The following NEK3 variants were observed in gnomAD, a reference collection of about 807,000 sequenced individuals.
The protein encoded by NEK3 is serine/threonine-protein kinase Nek3.
Under a neutral mutation model 66.0 loss-of-function variants are expected in NEK3, and 54 were observed. The ratio of observed to expected loss-of-function variants is 0.82; its 90% confidence interval spans 0.66 to 1.03. The LOEUF is 1.03. NEK3 is among the 50% of genes least tolerant of loss of function. NEK3 has a pLI of 0.00. For missense variants in NEK3, 593 were observed against 603.0 expected, an observed-to-expected ratio of 0.98 and a Z score of 0.17; for synonymous variants, 200 against 206.2, an observed-to-expected ratio of 0.97 and a Z score of 0.26.
chr13:52,144,276 C>T (rs1387972386), intron 9 of NEK3, among the ~76,000 whole-genome samples: 5 of 152,054 alleles, frequency 3.3e-5, no homozygotes, highest in South Asian at 4.1e-4. Context: ...AGTAGCTGGA[C>T]GTGGTGGCGT....
At position 52,133,789 on chromosome 13, in the gene NEK3, G is replaced by A; in HGVS notation, c.1336C>T (p.Leu446=). Reference sequence around the variant, plus strand: ...TCCGATGCTTCTGTTTCTTCAGACAGGGGGCCTTTCAAGAACCCTTCTGAA... The same window carrying A: ...TCCGATGCTTCTGTTTCTTCAGACAAGGGGCCTTTCAAGAACCCTTCTGAA... The part of the protein sequence containing the change: ...PGSEGFLKGP[L]SEETEASDSV... The change falls in exon 15 of 16, where the codon CTG becomes TTG. Residue 446 remains leucine (L), a synonymous_variant. Coordinates refer to ENST00000610828, the MANE Select transcript of NEK3 (RefSeq NM_002498.3). 1 of 1,598,656 alleles carries A rather than the reference G, an allele frequency of 6.3e-7. No individual in the cohort carries two copies. Among genetic ancestry groups the A allele is most frequent in the Non-Finnish European group, 8.5e-7 (1 of 1,171,926 alleles).
At chr13:52,135,532 C>G (rs1246325255) in intron 14 of NEK3, among the ~76,000 whole-genome samples, 197 bp downstream of exon 14, 3 of 152,026 alleles carry the variant, frequency 2.0e-5, no homozygotes, top group Non-Finnish European at 4.4e-5. Context: ...GGAGGGAAAC[C>G]CTTTGAATTG....
chr13:52,143,943 A>T lies in NEK3; in HGVS notation c.849T>A (p.Asn283Lys). The T allele has an allele frequency of 1.3e-6, 2 of 1,504,702 alleles. No homozygotes were observed. Among genetic ancestry groups the T allele is most frequent in the Admixed American group, 2.0e-5 (1 of 49,386 alleles). 93.2% of individuals were successfully genotyped at this position (1,504,702 alleles called of 1,614,324 possible). ...YGEEVLEEIK[N>K]SKHNTPRKKT... ...TTTTTCTTGGTGTGTTATGCTTCGA[A>T]TTTTTTATTTCTTCTAATACTTCCT... Residue 283 changes from asparagine (N) to lysine (K), a missense_variant, in exon 10 of 16, where the codon AAT (asparagine) becomes AAA (lysine). Physicochemically the swap from Asn to Lys is moderately conservative, Grantham distance 94. Transcript: ENST00000610828.
chr13:52,153,620 C>T (rs1956365186), intron 4 of NEK3, among the ~76,000 whole-genome samples: 1 of 151,970 alleles, frequency 6.6e-6, no homozygotes, highest in Non-Finnish European at 1.5e-5. Flanking sequence ...TTTTAAATAT[C>T]TAGTACAAAA....
At chr13:52,146,530 C>T (rs995607185) in intron 8 of NEK3, among the ~76,000 whole-genome samples, 3 of 152,018 alleles carry the variant, frequency 2.0e-5, no homozygotes, top group African/African-American at 4.8e-5. Flanking sequence ...AAAAGAAGAA[C>T]GTATACATGT....
chr13:52,142,441 T>C (rs1956259349), intron 10 of NEK3, among the ~76,000 whole-genome samples: 1 of 152,100 alleles, frequency 6.6e-6, no homozygotes, highest in Non-Finnish European at 1.5e-5. Flanking sequence ...CACGCCCAGC[T>C]AATTTTTTGT....
chr13:52,133,645 A>ACACACACACC (rs775604347), intron 15 of NEK3, 44 bp downstream of exon 15: 3 of 1,539,862 alleles, frequency 1.9e-6, no homozygotes, highest in Non-Finnish European at 2.6e-6. Context: ...ACACACACAC[A>ACACACACACC]CCCCCAACCC....
At chr13:52,133,559 G>T in intron 15 of NEK3, 130 bp downstream of exon 15, 1 of 1,229,110 alleles carries the variant, frequency 8.1e-7, no homozygotes, top group Non-Finnish European at 1.1e-6. Flanking sequence ...CATTTATGAT[G>T]AAAAGTAATA....
chr13:52,145,021 TC>T, intron 8 of NEK3, 130 bp from the exon 9 acceptor site: 1 of 644,280 alleles, frequency 1.6e-6, no homozygotes, highest in Non-Finnish European at 2.7e-6. Context: ...TCTAGAGGTG[TC>T]CTTAAGATAC....
chr13:52,133,624 C>CACACAA (rs2138185810), intron 15 of NEK3, 65 bp downstream of exon 15: 2 of 1,442,704 alleles, frequency 1.4e-6, no homozygotes, highest in South Asian at 1.3e-5. Flanking sequence ...ATCACACACA[C>CACACAA]ACACACACAC....
intron 10 of NEK3, among the ~76,000 whole-genome samples, chr13:52,143,395 C>T (rs1956267379): frequency 6.6e-6 from 1 of 152,044 alleles, no homozygotes; most frequent in Non-Finnish European, 1.5e-5. Flanking sequence ...CCACCTGTCC[C>T]CACACACATA....
chr13:52,138,149 T>C (rs1006007480), intron 11 of NEK3, among the ~76,000 whole-genome samples: 1 of 152,180 alleles, frequency 6.6e-6, no homozygotes, highest in Non-Finnish European at 1.5e-5. Flanking sequence ...AGCTTCCCAG[T>C]AGCTGGGACT....
At chr13:52,140,214 C>CAAAAAAAAAAAAAAAAAAAAACAAAAAA in intron 11 of NEK3, among the ~76,000 whole-genome samples, 1 of 76,830 alleles carries the variant, frequency 1.3e-5, no homozygotes, top group Non-Finnish European at 2.4e-5. Context: ...GACCCTATCT[C>CAAAAAAAAAAAAAAAAAAAAACAAAAAA]AAAAAAAAAA....
At chr13:52,145,244 A>T (rs1300519677) in intron 8 of NEK3, among the ~76,000 whole-genome samples, 1 of 152,190 alleles carries the variant, frequency 6.6e-6, no homozygotes, top group East Asian at 1.9e-4. Flanking sequence ...AAGGTTTATA[A>T]TAAGTGTAAT....
chr13:52,156,018 T>A, intron 2 of NEK3, 57 bp downstream of exon 2: 1 of 1,192,204 alleles, frequency 8.4e-7, no homozygotes, highest in Non-Finnish European at 1.2e-6. Flanking sequence ...AAAAACTTAT[T>A]CTTTTATATA....
intron 7 of NEK3, among the ~76,000 whole-genome samples, chr13:52,149,387 T>C (rs1440296922): frequency 6.6e-6 from 1 of 152,122 alleles, no homozygotes; most frequent in African/African-American, 2.4e-5. Flanking sequence ...CTCCAGACTT[T>C]TCTAAATGAT....
intron 12 of NEK3, 22 bp from the exon 13 acceptor site, chr13:52,136,281 G>A: frequency 6.2e-7 from 1 of 1,612,176 alleles, no homozygotes; most frequent in South Asian, 1.1e-5. Context: ...GTGTGAAAAA[G>A]GAATGCCAAG....
At chr13:52,134,802 G>C (rs1287169834) in intron 14 of NEK3, among the ~76,000 whole-genome samples, 1 of 152,120 alleles carries the variant, frequency 6.6e-6, no homozygotes, top group Non-Finnish European at 1.5e-5. Context: ...GGGCTTCCAT[G>C]ATCTTTTGTG....
chr13:52,136,756 C>T, intron 12 of NEK3, 44 bp downstream of exon 12: 2 of 1,315,420 alleles, frequency 1.5e-6, no homozygotes, highest in Non-Finnish European at 1.0e-6. Context: ...ATTGGTATTC[C>T]CCAACTCCTC....
Sources: gnomAD v4.1 joint callset for allele counts (sites outside exome capture counted in the v4.1 genomes callset) on GRCh38, gnomAD v4.1.1 for gene constraint, MANE v1.5 for transcripts, NCBI Gene and HGNC (gene_info 2026-07-23, HGNC 2026-07-21) for gene names.